DPYS: variants seen among roughly 807,000 people sequenced by gnomAD.
DPYS encodes dihydropyrimidine amidohydrolase.
DPYS carries 39 observed loss-of-function variants against 50.3 expected under a neutral mutation model. The ratio of observed to expected loss-of-function variants is 0.78; its 90% confidence interval spans 0.60 to 1.01. The LOEUF (loss-of-function observed/expected upper bound fraction) is 1.01, where lower values mean the gene tolerates loss of function less well. Ranked by LOEUF, DPYS falls within the 50% of genes least tolerant of loss-of-function variation. The probability of loss-of-function intolerance (pLI) is 0.00; values close to 1 mark genes in which losing one functional copy is unlikely to be tolerated. For missense variants in DPYS, 659 were observed against 680.9 expected (o/e 0.97, Z 0.36); for synonymous variants, 245 against 250.7 (o/e 0.98, Z 0.22).
intron 8 of DPYS, among the ~76,000 whole-genome samples, chr8:104,392,542 T>C (rs1224844378): frequency 1.3e-5 from 2 of 152,164 alleles, no homozygotes; most frequent in Non-Finnish European, 2.9e-5. Flanking sequence ...CCCACCAGAT[T>C]ACCCCACAAT....
intron 4 of DPYS, among the ~76,000 whole-genome samples, chr8:104,442,585 C>CGA (rs1168610513): frequency 5.9e-5 from 9 of 151,988 alleles, no homozygotes; most frequent in African/African-American, 2.2e-4. Context: ...CTTTTACATG[C>CGA]GAGAGTAGCA....
Position 104,417,347 on chromosome 8 carries a change from CAT to C in DPYS, c.1235+6898_1235+6899del, listed in dbSNP as rs539519449. Among the ~76,000 whole-genome samples the C allele has an allele frequency of 2.3e-4, 35 of 152,328 alleles. No individual in the cohort carries two copies. The South Asian group carries it at 7.3e-3, about 32-fold the overall frequency. On this transcript the variant is annotated intron_variant, in intron 7 of 9. Coordinates refer to ENST00000351513, the MANE Select transcript of DPYS (RefSeq NM_001385.3). ...CGAGGATGGTTTTAAATTGCCAGAA[CAT>C]GACTTACTGCTGCAGCTATGGGCTT...
chr8:104,460,211 T>A (rs567978197), intron 1 of DPYS, among the ~76,000 whole-genome samples: 1 of 152,322 alleles, frequency 6.6e-6, no homozygotes, highest in South Asian at 2.1e-4. Context: ...ATGGTTTGGC[T>A]CTGTGTCCCC....
chr8:104,451,551 CA>C lies in DPYS; in HGVS notation c.265-148del, dbSNP rs1813744223. The C allele has an allele frequency of 9.6e-6, 9 of 933,254 alleles. No individual in the cohort carries two copies. The South Asian group carries it at 1.3e-4, about 13-fold the overall frequency. 57.8% of individuals were successfully genotyped at this position (933,254 alleles called of 1,614,324 possible). ...AAAGATGCTGCCTGTTTAAATGACC[CA>C]GAAGGGCATGAATAGACTTTTCATA... On this transcript the variant is annotated intron_variant, in intron 1 of 9. Coordinates refer to ENST00000351513, the MANE Select transcript of DPYS (RefSeq NM_001385.3).
chr8:104,420,485 C>G (rs1042247204), intron 7 of DPYS: 7 of 152,084 alleles, frequency 4.6e-5, no homozygotes, highest in African/African-American at 9.7e-5. Context: ...TTCTATGAAG[C>G]CTCCTCTTCA....
chr8:104,437,259 T>C (rs1813184472), intron 4 of DPYS, among the ~76,000 whole-genome samples: 1 of 152,080 alleles, frequency 6.6e-6, no homozygotes, highest in Admixed American at 6.5e-5. Context: ...AAATATAGCC[T>C]TGTCAGAGGT....
intron 2 of DPYS, among the ~76,000 whole-genome samples, chr8:104,449,528 C>T (rs1813658229): frequency 6.6e-6 from 1 of 152,212 alleles, no homozygotes; most frequent in Non-Finnish European, 1.5e-5. Context: ...TATGGGTTGA[C>T]TTGGGTGAGC....
At chr8:104,386,593 G>A (rs1811220491) in intron 8 of DPYS, among the ~76,000 whole-genome samples, 1 of 150,566 alleles carries the variant, frequency 6.6e-6, no homozygotes, top group Non-Finnish European at 1.5e-5. Context: ...GGAATGTGCT[G>A]GGATGCTAGA....
rs142969576 is a variant in DPYS at position 104,412,484 on chromosome 8, G to A, written c.1235+11763C>T. 2.0e-4 allele frequency among the ~76,000 whole-genome samples: 31 copies of A among 152,272 alleles called. No homozygotes were observed. In the East Asian group the frequency reaches 3.3e-3, roughly 16 times the overall value. On this transcript the variant is annotated intron_variant, in intron 7 of 9. Transcript: ENST00000351513. ...TATATATTTCAAGCATTGTGTGTGCGGTTAGAATGATGAAATACGTGCAGA... is the reference window on the plus strand; with the variant it reads ...TATATATTTCAAGCATTGTGTGTGCAGTTAGAATGATGAAATACGTGCAGA...
intron 7 of DPYS, among the ~76,000 whole-genome samples, chr8:104,399,627 T>G (rs1335147900): frequency 1.3e-5 from 2 of 151,842 alleles, no homozygotes; most frequent in Non-Finnish European, 2.9e-5. Flanking sequence ...CCCAGCACTT[T>G]GGGAGGCCGA....
At chr8:104,387,727 C>T (rs1811255759) in intron 8 of DPYS, among the ~76,000 whole-genome samples, 1 of 152,194 alleles carries the variant, frequency 6.6e-6, no homozygotes, top group South Asian at 2.1e-4. Flanking sequence ...GTGCTTGGAA[C>T]ATAACTGGTG....
In DPYS at chr8:104,466,939, TCC is replaced by T. The variant is rs1386508790; in HGVS notation, c.-21_-20del. On this transcript the variant is annotated 5_prime_UTR_variant, in exon 1 of 10. Coordinates refer to ENST00000351513, the MANE Select transcript of DPYS (RefSeq NM_001385.3). ...CCGCCATAGCGAGGGGCGCGCGGGG[TCC>T]TACTCGGCCCGGGCTGCGCGCAGGG... 11 of 1,426,398 alleles carry T rather than the reference TCC, an allele frequency of 7.7e-6. 1 individual carries two copies. The South Asian group carries it at 1.6e-4, about 20-fold the overall frequency. 88.4% of individuals were successfully genotyped at this position (1,426,398 alleles called of 1,614,324 possible).
chr8:104,401,821 C>T (rs139093783), intron 7 of DPYS, among the ~76,000 whole-genome samples: 271 of 152,312 alleles, frequency 1.8e-3, no homozygotes, highest in African/African-American at 6.3e-3. Context: ...CTAAATGGTG[C>T]TGCTTCAAGT....
At chr8:104,440,171 T>C (rs1320971629) in intron 4 of DPYS, among the ~76,000 whole-genome samples, 1 of 152,208 alleles carries the variant, frequency 6.6e-6, no homozygotes, top group Non-Finnish European at 1.5e-5. Flanking sequence ...CTCAACAAGC[T>C]GTTAGTTGTT....
At chr8:104,419,203 T>A (rs576529415) in intron 7 of DPYS, among the ~76,000 whole-genome samples, 1 of 152,240 alleles carries the variant, frequency 6.6e-6, no homozygotes, top group Admixed American at 6.5e-5. Context: ...GTAAAAAGCA[T>A]GAAATGGGAA....
At chr8:104,387,300 T>C (rs889370187) in intron 8 of DPYS, among the ~76,000 whole-genome samples, 4 of 152,184 alleles carry the variant, frequency 2.6e-5, no homozygotes, top group Non-Finnish European at 5.9e-5. Flanking sequence ...ATCCTTAAAA[T>C]ATCCTGGCTG....
chr8:104,401,012 G>A (rs1160416721), intron 7 of DPYS, among the ~76,000 whole-genome samples: 2 of 152,202 alleles, frequency 1.3e-5, no homozygotes, highest in African/African-American at 4.8e-5. Context: ...TTGTGGAGAG[G>A]AAGAGAATTT....
At chr8:104,425,351 C>T (rs1812686840) in intron 6 of DPYS, among the ~76,000 whole-genome samples, 1 of 151,962 alleles carries the variant, frequency 6.6e-6, no homozygotes. Context: ...CACTCTGCCT[C>T]CCAAGCATTA....
intron 2 of DPYS, among the ~76,000 whole-genome samples, 162 bp from the exon 3 acceptor site, chr8:104,447,665 T>C (rs1813586415): frequency 1.3e-5 from 2 of 152,228 alleles, no homozygotes; most frequent in Non-Finnish European, 2.9e-5. Flanking sequence ...TTGATCTTTT[T>C]CCCAGGTTAT....
Sources: gnomAD v4.1 joint callset for allele counts (sites outside exome capture counted in the v4.1 genomes callset) on GRCh38, gnomAD v4.1.1 for gene constraint, MANE v1.5 for transcripts, NCBI Gene and HGNC (gene_info 2026-07-23, HGNC 2026-07-21) for gene names.